Variants in TRPM3 observed in about 807,000 individuals in gnomAD.
TRPM3 encodes transient receptor potential cation channel subfamily M member 3.
A neutral mutation model predicts 181.2 loss-of-function variants in TRPM3; 77 were observed. The observed-to-expected ratio is 0.42, with a 90% confidence interval of 0.35 to 0.51. TRPM3 has a LOEUF of 0.51. TRPM3 is among the 20% of genes least tolerant of loss of function. TRPM3 has a pLI of 0.01. For missense variants in TRPM3, 1,759 were observed against 2,196.7 expected (o/e 0.80, Z 3.98); for synonymous variants, 745 against 796.4 (o/e 0.94, Z 1.09).
chr9:71,428,255 C>CTT lies in TRPM3; in HGVS notation c.183+18396_183+18397dup, dbSNP rs567636846. ...TACAGGCGCCCGCCACCATGCCCGG[C>CTT]TTTTTTTTTTTTTTTTTTTTAGTTG... On this transcript the variant is annotated intron_variant, in intron 1 of 24. Coordinates refer to the TRPM3 transcript ENST00000357533. Among the ~76,000 whole-genome samples, 584 of 128,324 alleles carry CTT rather than the reference C, an allele frequency of 4.6e-3. 6 individuals are homozygous for CTT. Among genetic ancestry groups the CTT allele is most frequent in the African/African-American group, 0.016 (560 of 34,910 alleles). The allele number at this position is 128,324 out of a possible 152,430, so 84.2% of individuals were successfully genotyped here.
chr9:71,392,080 G>A (rs2093074845), intron 1 of TRPM3, among the ~76,000 whole-genome samples: 1 of 152,084 alleles, frequency 6.6e-6, no homozygotes, highest in African/African-American at 2.4e-5. Flanking sequence ...AAGAGCCTGA[G>A]CAGAAACTAA....
intron 1 of TRPM3, among the ~76,000 whole-genome samples, chr9:70,998,820 A>G (rs142676903): frequency 2.0e-5 from 3 of 152,144 alleles, no homozygotes; most frequent in Non-Finnish European, 4.4e-5. Flanking sequence ...AAGTCCTAGA[A>G]CTGCATTTAC....
intron 1 of TRPM3, among the ~76,000 whole-genome samples, chr9:71,252,301 G>T (rs1387378984): frequency 6.6e-6 from 1 of 152,100 alleles, no homozygotes; most frequent in Non-Finnish European, 1.5e-5. Flanking sequence ...AGACAAGGTG[G>T]ATACAGCGTA....
At chr9:70,915,691 G>C (rs1456430402) in intron 1 of TRPM3, among the ~76,000 whole-genome samples, 2 of 150,074 alleles carry the variant, frequency 1.3e-5, no homozygotes, top group African/African-American at 4.9e-5. Flanking sequence ...ATACATGTCA[G>C]ATGAGAGAAA....
intron 1 of TRPM3, among the ~76,000 whole-genome samples, chr9:71,154,241 CTTA>C (rs987125789): frequency 6.6e-6 from 1 of 152,044 alleles, no homozygotes; most frequent in Admixed American, 6.6e-5. Context: ...TCCATAAGCA[CTTA>C]TTATATTTAA....
At chr9:71,278,002 AT>A (rs2084359282) in intron 1 of TRPM3, among the ~76,000 whole-genome samples, 2 of 152,170 alleles carry the variant, frequency 1.3e-5, no homozygotes, top group African/African-American at 4.8e-5. Flanking sequence ...AACGCAGCAC[AT>A]TTTGTTCTAG....
chr9:70,644,073 A>G (rs558715496), intron 9 of TRPM3, among the ~76,000 whole-genome samples: 2 of 152,210 alleles, frequency 1.3e-5, no homozygotes, highest in Admixed American at 6.5e-5. Context: ...TTATCTCATC[A>G]ACAGATATTT....
chr9:70,982,613 GTC>G (rs1485797513), intron 1 of TRPM3, among the ~76,000 whole-genome samples: 1 of 152,108 alleles, frequency 6.6e-6, no homozygotes, highest in Non-Finnish European at 1.5e-5. Flanking sequence ...CTTTAAGTAT[GTC>G]TCTCTCATCT....
intron 1 of TRPM3, among the ~76,000 whole-genome samples, chr9:70,928,128 A>C (rs901635934): frequency 2.0e-5 from 3 of 152,198 alleles, no homozygotes; most frequent in African/African-American, 7.2e-5. Context: ...AGTCAGAGAG[A>C]TAGATCTAGG....
intron 1 of TRPM3, among the ~76,000 whole-genome samples, chr9:71,212,342 T>C (rs940884506): frequency 2.0e-5 from 3 of 152,154 alleles, no homozygotes; most frequent in African/African-American, 7.2e-5. Context: ...ATGTTCCTTA[T>C]ATTGAGGTTT....
chr9:70,911,470 T>G (rs1015413626), intron 1 of TRPM3, among the ~76,000 whole-genome samples: 1 of 152,212 alleles, frequency 6.6e-6, no homozygotes, highest in Non-Finnish European at 1.5e-5. Context: ...ATGAACCCTC[T>G]TACAAATTTT....
intron 22 of TRPM3, among the ~76,000 whole-genome samples, chr9:70,583,471 AT>A (rs2056449860): frequency 6.6e-6 from 1 of 152,256 alleles, no homozygotes; most frequent in Non-Finnish European, 1.5e-5. Context: ...TAAAGGCAGA[AT>A]TACAACAGAG....
rs374070652 is a variant in TRPM3, at chr9:70,537,316, G to T, written c.3797C>A (p.Ala1266Glu). ...ASLQTVDIRL[A>E]QLEDLIGRMA... ...GCGCCCGATAAGGTCTTCCAGCTGC[G>T]CCAGCCGGATGTCCACGGTCTGGAG... is the stretch of plus-strand genomic sequence containing the variant. The change falls in exon 26 of 26, where the codon GCG (alanine) becomes GAG (glutamate). Residue 1266 changes from alanine (A) to glutamate (E), a missense_variant. By Grantham distance (107) the Ala-to-Glu change is moderately radical. Coordinates refer to ENST00000677713, the MANE Select transcript of TRPM3 (RefSeq NM_001366145.2). The T allele has an allele frequency of 6.5e-7, 1 of 1,527,392 alleles. No homozygotes were observed. The highest frequency in any genetic ancestry group is 8.8e-7 in the Non-Finnish European group (1 of 1,135,612). 94.6% of individuals were successfully genotyped at this position (1,527,392 alleles called of 1,614,324 possible). A position where few individuals can be genotyped will look rare whatever the true frequency, so the allele number is the denominator to read the frequency against.
At chr9:70,771,642 T>C (rs2080288475) in intron 7 of TRPM3, among the ~76,000 whole-genome samples, 1 of 152,160 alleles carries the variant, frequency 6.6e-6, no homozygotes, top group Non-Finnish European at 1.5e-5. Context: ...AGCTTTGTGC[T>C]GTGCATTTTA....
At chr9:70,545,844 G>A (rs1280887837) in intron 25 of TRPM3, among the ~76,000 whole-genome samples, 4 of 152,036 alleles carry the variant, frequency 2.6e-5, no homozygotes, top group South Asian at 2.1e-4. Context: ...CACTGCACCC[G>A]GCCTTAATAT....
chr9:71,227,876 G>A (rs1481855494), intron 1 of TRPM3, among the ~76,000 whole-genome samples: 5 of 152,120 alleles, frequency 3.3e-5, no homozygotes, highest in African/African-American at 9.7e-5. Flanking sequence ...CCTGGGACCC[G>A]ATGACTTCAC....
chr9:70,858,696 C>T (rs1262162397), intron 3 of TRPM3, among the ~76,000 whole-genome samples: 2 of 152,050 alleles, frequency 1.3e-5, no homozygotes, highest in Admixed American at 6.5e-5. Flanking sequence ...CAGCCATAAC[C>T]TCCGAGACCT....
At chr9:70,621,038 T>A (rs932052369) in intron 15 of TRPM3, among the ~76,000 whole-genome samples, 1 of 146,954 alleles carries the variant, frequency 6.8e-6, no homozygotes, top group Non-Finnish European at 1.5e-5. Flanking sequence ...ATATATATAA[T>A]ATATACATAC....
At chr9:70,871,241 T>A (rs2095784520) in intron 1 of TRPM3, among the ~76,000 whole-genome samples, 2 of 151,908 alleles carry the variant, frequency 1.3e-5, no homozygotes, top group Non-Finnish European at 2.9e-5. Context: ...ATAAATTGAT[T>A]GTAGATAATA....
Sources: allele counts gnomAD v4.1 joint callset (sites outside exome capture counted in the v4.1 genomes callset), GRCh38; gene constraint gnomAD v4.1.1; transcripts MANE v1.5; gene names NCBI Gene and HGNC (gene_info 2026-07-23, HGNC 2026-07-21).